The following COL13A1 variants were observed in gnomAD, a reference collection of about 807,000 sequenced individuals.
The protein encoded by COL13A1 is collagen type XIII alpha 1 chain, also known as collagen alpha-1(XIII) chain.
A neutral mutation model predicts 130.9 loss-of-function variants in COL13A1; 89 were observed. That is an observed-to-expected ratio of 0.68 (90% CI 0.57 to 0.81). The LOEUF (loss-of-function observed/expected upper bound fraction) is 0.81. Among genes scored for constraint, COL13A1 ranks in the 30% least tolerant of loss-of-function variants. The pLI is 0.00. For synonymous variants in COL13A1, 402 were observed against 341.6 expected, an observed-to-expected ratio of 1.18 and a Z score of -1.95; for missense variants, 879 against 934.6, an observed-to-expected ratio of 0.94 and a Z score of 0.78.
In COL13A1 at chr10:69,958,813, A is replaced by T; in HGVS notation, c.*112A>T. On this transcript the variant is annotated 3_prime_UTR_variant, in exon 41 of 41. Transcript: ENST00000645393. The stretch of plus-strand genomic sequence containing the variant: ...AGTATGATGCATCTTACAGATTATT[A>T]AAAAAGAAAGAAAAACCTGCATATT... 2.1e-6 allele frequency: 3 copies of T among 1,438,290 alleles called. No homozygotes were observed. The highest frequency in any genetic ancestry group is 2.8e-6 in the Non-Finnish European group (3 of 1,059,750). The allele number at this position is 1,438,290 out of a possible 1,614,324, so 89.1% of individuals were successfully genotyped here. A position where few individuals can be genotyped will look rare whatever the true frequency, so the allele number is the denominator to read the frequency against.
At chr10:69,879,900 C>A (rs2059957832) in intron 6 of COL13A1, among the ~76,000 whole-genome samples, 2 of 152,194 alleles carry the variant, frequency 1.3e-5, no homozygotes, top group African/African-American at 4.8e-5. Context: ...GGCAGCTCAA[C>A]CTTTCAGGGT....
chr10:69,930,148 G>A, intron 29 of COL13A1, 61 bp downstream of exon 29: 1 of 1,560,124 alleles, frequency 6.4e-7, no homozygotes, highest in Non-Finnish European at 8.8e-7. Flanking sequence ...GGGGCAGGAG[G>A]TCGGGCAGGA....
At chr10:69,878,003 C>T (rs192043386) in intron 5 of COL13A1, 36 bp from the exon 6 acceptor site, 241 of 702,542 alleles carry the variant, frequency 3.4e-4, no homozygotes, top group Non-Finnish European at 4.9e-4. Context: ...CCCTCCTTTC[C>T]CTTCCTGCAC....
Position 69,802,661 on chromosome 10 carries a change from G to C in COL13A1, c.238G>C (p.Gly80Arg), listed in dbSNP as rs550915746. ...GGTGCTGCGCCTGGAAGCGGAGCGC[G>C]GGGAGCAGCAAATGGAGACGGCTAT... is the stretch of plus-strand genomic sequence containing the variant. ...ARVLRLEAER[G>R]EQQMETAILG... is the part of the protein sequence containing the mutation. Residue 80 changes from glycine (G) to arginine (R), a missense_variant, in exon 1 of 41, where the codon GGG becomes CGG. By Grantham distance (125) the Gly-to-Arg change is moderately radical. Around this residue, in one of 3 missense-constraint regions of COL13A1, gnomAD observed 715 missense variants for 721.0 expected, o/e 0.99. Coordinates refer to ENST00000645393, the MANE Select transcript of COL13A1 (RefSeq NM_001368882.1). 20 of 1,613,502 alleles carry C rather than the reference G, an allele frequency of 1.2e-5. No homozygotes were observed. The East Asian group carries it at 2.9e-4, about 23-fold the overall frequency.
chr10:69,921,873 T>A lies in COL13A1; in HGVS notation c.1090-9T>A. On this transcript the variant is annotated splice_polypyrimidine_tract_variant and intron_variant, in intron 21 of 40. Transcript: ENST00000645393. ...TCCTAACCCCCACACTGTCTGCATC[T>A]CCCTGCAGGGTGAGAAGGGGGCTGA... The A allele has an allele frequency of 6.2e-7, 1 of 1,602,940 alleles. No individual in the cohort carries two copies. Among genetic ancestry groups the A allele is most frequent in the Admixed American group, 1.7e-5 (1 of 58,754 alleles).
chr10:69,858,115 CAA>C (rs573668102), intron 2 of COL13A1, among the ~76,000 whole-genome samples: 56 of 80,358 alleles, frequency 7.0e-4, no homozygotes, highest in African/African-American at 2.5e-3. Flanking sequence ...GACTCCGTCT[CAA>C]AAAAAAAAAA....
chr10:69,853,151 TA>T (rs1363621318), intron 2 of COL13A1, among the ~76,000 whole-genome samples: 2 of 152,176 alleles, frequency 1.3e-5, no homozygotes, highest in African/African-American at 4.8e-5. Flanking sequence ...TTCTCTTAAT[TA>T]AAAAGTCAGA....
At chr10:69,879,742 A>G (rs966825873) in intron 6 of COL13A1, among the ~76,000 whole-genome samples, 1 of 152,204 alleles carries the variant, frequency 6.6e-6, no homozygotes, top group Non-Finnish European at 1.5e-5. Context: ...ACACACACGC[A>G]CACATGGCAC....
At chr10:69,955,165 C>A (rs2070399204) in intron 39 of COL13A1, 1 of 152,226 alleles carries the variant, frequency 6.6e-6, no homozygotes, top group Admixed American at 6.5e-5. Flanking sequence ...AGAAATTATG[C>A]TGTGTGACCC....
chr10:69,816,244 G>A (rs551926939), intron 1 of COL13A1, among the ~76,000 whole-genome samples: 1 of 147,318 alleles, frequency 6.8e-6, no homozygotes, highest in South Asian at 2.3e-4. Flanking sequence ...GGCAGGTAAA[G>A]AACAGGAATT....
intron 19 of COL13A1, 88 bp from the exon 20 acceptor site, chr10:69,918,974 C>A: frequency 6.6e-7 from 1 of 1,522,106 alleles, no homozygotes; most frequent in Non-Finnish European, 9.1e-7. Context: ...ACCCTGACTG[C>A]CCCCAACCCC....
At chr10:69,912,978 G>A (rs1454850886) in intron 17 of COL13A1, among the ~76,000 whole-genome samples, 1 of 152,216 alleles carries the variant, frequency 6.6e-6, no homozygotes, top group Non-Finnish European at 1.5e-5. Flanking sequence ...ATGCTGTGTG[G>A]TGCTCAGGTG....
chr10:69,940,336 G>A (rs1338068943), intron 34 of COL13A1, among the ~76,000 whole-genome samples: 11 of 152,190 alleles, frequency 7.2e-5, no homozygotes, highest in Non-Finnish European at 1.5e-4. Flanking sequence ...TGAATGGATC[G>A]AGTTTAGGTT....
At chr10:69,875,432 C>T (rs1163348963) in intron 5 of COL13A1, among the ~76,000 whole-genome samples, 1 of 152,206 alleles carries the variant, frequency 6.6e-6, no homozygotes, top group Non-Finnish European at 1.5e-5. Context: ...TGAACAAAGC[C>T]CTTTGCCAGT....
intron 5 of COL13A1, among the ~76,000 whole-genome samples, chr10:69,875,573 T>C (rs1258894409): frequency 6.6e-6 from 1 of 152,072 alleles, no homozygotes; most frequent in Non-Finnish European, 1.5e-5. Context: ...GAGCCAGGGT[T>C]CCCAGGGGCC....
In COL13A1 at chr10:69,802,294, C is replaced by A; in HGVS notation, c.-130C>A. On this transcript the variant is annotated 5_prime_UTR_variant, in exon 1 of 41. Coordinates refer to ENST00000645393, the MANE Select transcript of COL13A1 (RefSeq NM_001368882.1). Reference sequence around the variant, plus strand: ...TTTCCGTCCTCTTTGCCGGGAGCAGCGGAAAGGGACGTTTTCCAGCGATAC... The same window carrying A: ...TTTCCGTCCTCTTTGCCGGGAGCAGAGGAAAGGGACGTTTTCCAGCGATAC... 1.8e-6 allele frequency: 2 copies of A among 1,105,680 alleles called. No individual in the cohort carries two copies. The highest frequency in any genetic ancestry group is 2.4e-6 in the Non-Finnish European group (2 of 841,680). 68.5% of individuals were successfully genotyped at this position (1,105,680 alleles called of 1,614,324 possible).
At chr10:69,834,157 C>T (rs1233075012) in intron 2 of COL13A1, among the ~76,000 whole-genome samples, 1 of 152,148 alleles carries the variant, frequency 6.6e-6, no homozygotes, top group African/African-American at 2.4e-5. Flanking sequence ...GATCAGCAGA[C>T]ATTAGTTCAA....
chr10:69,921,660 G>A (rs987969403), intron 21 of COL13A1, among the ~76,000 whole-genome samples: 3 of 152,220 alleles, frequency 2.0e-5, no homozygotes, highest in African/African-American at 7.2e-5. Flanking sequence ...ATGGGAATAA[G>A]GAAAGCAGTC....
rs33989837 is a variant in COL13A1, at chr10:69,854,563, C to CAAA, written c.365-13226_365-13224dup. Among the ~76,000 whole-genome samples the CAAA allele has an allele frequency of 2.3e-4, 34 of 147,242 alleles. 2 individuals are homozygous for CAAA. Among genetic ancestry groups the CAAA allele is most frequent in the South Asian group, 6.5e-4 (3 of 4,636 alleles). ...CCTCCAGTCTTTTGAGACCCTGTCTCAAAAAAAAAAAGTGGTTCCTGTCAT... is the reference window on the plus strand; with the variant it reads ...CCTCCAGTCTTTTGAGACCCTGTCTCAAAAAAAAAAAAAAGTGGTTCCTGTCAT... On this transcript the variant is annotated intron_variant, in intron 2 of 40. Transcript: ENST00000645393.
Sources: allele counts gnomAD v4.1 joint callset (sites outside exome capture counted in the v4.1 genomes callset), GRCh38; gene constraint gnomAD v4.1.1; regional missense constraint gnomAD v4.1.1; transcripts MANE v1.5; gene names NCBI Gene and HGNC (gene_info 2026-07-23, HGNC 2026-07-21).